TAGLN3: variants seen among roughly 807,000 people sequenced by gnomAD.
The protein encoded by TAGLN3 is transgelin 3.
Under a neutral mutation model 25.4 loss-of-function variants are expected in TAGLN3, and 12 were observed. The observed-to-expected ratio is 0.47, with a 90% confidence interval of 0.30 to 0.77. The LOEUF (loss-of-function observed/expected upper bound fraction) is 0.77, where lower values mean the gene tolerates loss of function less well. Ranked by LOEUF, TAGLN3 falls within the 30% of genes least tolerant of loss-of-function variation. The pLI, the probability that TAGLN3 is intolerant of heterozygous loss-of-function variation, is 0.06. For synonymous variants in TAGLN3, 96 were observed against 94.8 expected, an observed-to-expected ratio of 1.01 and a Z score of -0.08; for missense variants, 218 against 255.8, an observed-to-expected ratio of 0.85 and a Z score of 1.01.
intron 4 of TAGLN3, among the ~76,000 whole-genome samples, chr3:112,012,254 C>CCCTTCCTCCCTTCCTT (rs2072986579): frequency 1.3e-5 from 1 of 74,106 alleles, no homozygotes; most frequent in Non-Finnish European, 2.5e-5. Flanking sequence ...CTCCCTCCCT[C>CCCTTCCTCCCTTCCTT]CCTTCCTTCC....
At chr3:112,012,501 C>T (rs2072990093) in intron 4 of TAGLN3, among the ~76,000 whole-genome samples, 1 of 149,850 alleles carries the variant, frequency 6.7e-6, no homozygotes, top group Admixed American at 6.6e-5. Flanking sequence ...ATTTTTTTTT[C>T]AGGGGGTAGG....
In TAGLN3 at chr3:111,998,956, C is replaced by A. The variant is rs1206126901; in HGVS notation, c.-161C>A. ...TGCCATTCTTCCAGGCGCGAGGCAG[C>A]AGCGGCTGCAGTTCAACATGAAAGG... On this transcript the variant is annotated 5_prime_UTR_variant, in exon 1 of 5. Transcript: ENST00000478951. 1.3e-5 allele frequency: 2 copies of A among 152,744 alleles called. No individual in the cohort carries two copies. Among genetic ancestry groups the A allele is most frequent in the African/African-American group, 4.8e-5 (2 of 41,466 alleles). The allele number at this position is 152,744 out of a possible 1,614,324, so 9.5% of individuals were successfully genotyped here.
intron 3 of TAGLN3, among the ~76,000 whole-genome samples, chr3:112,005,066 A>C (rs1237305142): frequency 6.6e-6 from 1 of 152,202 alleles, no homozygotes; most frequent in Non-Finnish European, 1.5e-5. Context: ...CTACACTGGA[A>C]AGAGCATGAG....
At chr3:112,003,762 C>T (rs1225632515) in intron 3 of TAGLN3, among the ~76,000 whole-genome samples, 1 of 152,134 alleles carries the variant, frequency 6.6e-6, no homozygotes. Flanking sequence ...GTATTTCATG[C>T]CCAACCTCTC....
chr3:111,999,420 GAGAT>G lies in TAGLN3; in HGVS notation c.-2_2del. 1 of 1,613,624 alleles carries G rather than the reference GAGAT, an allele frequency of 6.2e-7. No individual in the cohort carries two copies. On this transcript the variant is annotated start_lost and splice_region_variant and 5_prime_UTR_variant, in exon 2 of 5. Coordinates refer to ENST00000478951, the MANE Select transcript of TAGLN3 (RefSeq NM_001008272.2). ...CCGCGCGTGTCTTCTCTTCTTTCCAGAGATGGCTAACAGGGGCCCGAGCTATGGC... is the reference window on the plus strand; with the variant it reads ...CCGCGCGTGTCTTCTCTTCTTTCCAGGGCTAACAGGGGCCCGAGCTATGGC...
At chr3:112,000,980 T>G (rs1285281984) in intron 3 of TAGLN3, 34 bp downstream of exon 3, 1 of 1,598,702 alleles carries the variant, frequency 6.3e-7, no homozygotes, top group Non-Finnish European at 8.6e-7. Flanking sequence ...GATTGTTCTT[T>G]TCTTCTCTCC....
intron 4 of TAGLN3, among the ~76,000 whole-genome samples, chr3:112,012,491 A>AT (rs562286359): frequency 2.7e-5 from 4 of 150,726 alleles, no homozygotes; most frequent in South Asian, 2.1e-4. Context: ...TTTTAAAATG[A>AT]TTTTTTTTTC....
intron 3 of TAGLN3, among the ~76,000 whole-genome samples, chr3:112,010,167 A>G (rs886172039): frequency 4.6e-5 from 7 of 151,972 alleles, no homozygotes; most frequent in Non-Finnish European, 1.0e-4. Flanking sequence ...TCTATAGTTT[A>G]ATAAAACTTT....
At chr3:112,012,722 T>C (rs1325569954) in intron 4 of TAGLN3, among the ~76,000 whole-genome samples, 1 of 152,182 alleles carries the variant, frequency 6.6e-6, no homozygotes. Flanking sequence ...TCTGTATTAT[T>C]AGTGAACTAC....
chr3:112,011,182 G>A (rs1305200732), intron 3 of TAGLN3, among the ~76,000 whole-genome samples: 1 of 152,234 alleles, frequency 6.6e-6, no homozygotes, highest in Non-Finnish European at 1.5e-5. Context: ...TGGGAGGAAA[G>A]GCTGAGTTGT....
Position 111,999,601 on chromosome 3 carries a change from C to CG in TAGLN3, c.180+1dup, listed in dbSNP as rs766064100. 1 of 1,612,426 alleles carries CG rather than the reference C, an allele frequency of 6.2e-7. No individual in the cohort carries two copies. The highest frequency in any genetic ancestry group is 1.1e-5 in the South Asian group (1 of 91,004). ...TTTCAGAAATGGTTAATGGACGGGA[C>CG]GGTAAGGCCGGCAGCGATCTCGGTT... On this transcript the variant is annotated frameshift_variant and splice_region_variant, in exon 2 of 5. Coordinates refer to ENST00000478951, the MANE Select transcript of TAGLN3 (RefSeq NM_001008272.2). LOFTEE classifies it high-confidence loss of function.
Position 111,999,519 on chromosome 3 carries a change from T to C in TAGLN3, c.97T>C (p.Trp33Arg), listed in dbSNP as rs2072829875. 1.9e-6 allele frequency: 3 copies of C among 1,614,052 alleles called. No homozygotes were observed. The part of the protein sequence containing the change: ...DADLENKLVD[W>R]IILQCAEDIE... ...GGACCTGGAGAACAAGCTGGTGGACTGGATCATCCTGCAGTGCGCCGAGGA... is the reference window on the plus strand; with the variant it reads ...GGACCTGGAGAACAAGCTGGTGGACCGGATCATCCTGCAGTGCGCCGAGGA... Residue 33 changes from tryptophan to arginine, a missense_variant, in exon 2 of 5, where the codon TGG becomes CGG. Trp to Arg is a moderately radical substitution (Grantham distance 101). Coordinates refer to ENST00000478951, the MANE Select transcript of TAGLN3 (RefSeq NM_001008272.2).
chr3:112,000,576 A>C, intron 2 of TAGLN3, 196 bp from the exon 3 acceptor site: 2 of 547,532 alleles, frequency 3.7e-6, no homozygotes, highest in Non-Finnish European at 3.3e-6. Flanking sequence ...AGCATTAGGA[A>C]TGGGGTCCTC....
In TAGLN3 at chr3:111,999,482, G is replaced by C. The variant is rs374570913; in HGVS notation, c.60G>C (p.Gln20His). The C allele has an allele frequency of 2.5e-6, 4 of 1,614,238 alleles. No homozygotes were observed. Among genetic ancestry groups the C allele is most frequent in the African/African-American group, 1.3e-5 (1 of 75,066 alleles). The change falls in exon 2 of 5, where the codon CAG (glutamine) becomes CAC (histidine). Residue 20 changes from glutamine to histidine, a missense_variant. Gln to His is a conservative substitution (Grantham distance 24). Transcript: ENST00000478951. The part of the protein sequence containing the change: ...LSREVQEKIE[Q>H]KYDADLENKL... ...GAGAGGTGCAGGAGAAGATCGAGCA[G>C]AAGTATGATGCGGACCTGGAGAACA...
chr3:112,008,693 T>G (rs2072945768), intron 3 of TAGLN3, among the ~76,000 whole-genome samples: 2 of 152,152 alleles, frequency 1.3e-5, no homozygotes, highest in African/African-American at 4.8e-5. Flanking sequence ...TCCCATCTTG[T>G]CAGTCCAAGA....
chr3:112,011,886 C>T, intron 4 of TAGLN3, 21 bp downstream of exon 4: 1 of 1,608,254 alleles, frequency 6.2e-7, no homozygotes. Context: ...CTTCCTTGCC[C>T]CCTGGACCAC....
At chr3:111,999,888 G>C (rs914121856) in intron 2 of TAGLN3, among the ~76,000 whole-genome samples, 1 of 152,176 alleles carries the variant, frequency 6.6e-6, no homozygotes, top group African/African-American at 2.4e-5. Flanking sequence ...AGATAAGTAT[G>C]TCCTTGTAAT....
At chr3:112,005,713 T>TTTTGAGATGGAGTC (rs2072909852) in intron 3 of TAGLN3, among the ~76,000 whole-genome samples, 1 of 133,418 alleles carries the variant, frequency 7.5e-6, no homozygotes, top group African/African-American at 2.7e-5. Context: ...TTTTTTTTTT[T>TTTTGAGATGGAGTC]TTTTGAGATG....
chr3:112,012,630 AG>A (rs201715385), intron 4 of TAGLN3, among the ~76,000 whole-genome samples: 10 of 151,670 alleles, frequency 6.6e-5, no homozygotes, highest in Non-Finnish European at 7.4e-5. Context: ...AAAAAAAAAA[AG>A]TTACCAGCTT....
Sources: gnomAD v4.1 joint callset for allele counts (sites outside exome capture counted in the v4.1 genomes callset) on GRCh38, gnomAD v4.1.1 for gene constraint, MANE v1.5 for transcripts, NCBI Gene and HGNC (gene_info 2026-07-23, HGNC 2026-07-21) for gene names.